PRR19: variants seen among roughly 807,000 people sequenced by gnomAD.
The protein encoded by PRR19 is proline rich 19, also known as proline-rich protein 19.
PRR19 carries 9 observed loss-of-function variants against 19.2 expected under a neutral mutation model. The ratio of observed to expected loss-of-function variants is 0.47; its 90% CI spans 0.28 to 0.82. The LOEUF (loss-of-function observed/expected upper bound fraction) is 0.82. PRR19 is among the 40% of genes least tolerant of loss of function. The pLI, the probability that PRR19 is intolerant of heterozygous loss-of-function variation, is 0.11. For synonymous variants in PRR19, 190 were observed against 191.0 expected, an observed-to-expected ratio of 0.99 and a Z score of 0.04; for missense variants, 457 against 466.0, an observed-to-expected ratio of 0.98 and a Z score of 0.18.
Position 42,302,418 on chromosome 19 carries a change from C to T in PRR19, c.-92C>T, listed in dbSNP as rs570602740. On this transcript the variant is annotated 5_prime_UTR_variant, in exon 1 of 3. Transcript: ENST00000341747. ...CCTACCCCTCGCGGCAACAAAGGAC[C>T]GTCCCAACGCTAGCACACCCGCGGA... The T allele has an allele frequency of 1.8e-5, 18 of 980,488 alleles. No homozygotes were observed. Among genetic ancestry groups the T allele is most frequent in the Non-Finnish European group, 2.5e-5 (17 of 671,434 alleles). 60.7% of individuals were successfully genotyped at this position (980,488 alleles called of 1,614,324 possible).
Position 42,305,867 on chromosome 19 carries a change from C to A in PRR19, c.-7+3364C>A, listed in dbSNP as rs2038701324. 2.0e-5 allele frequency among the ~76,000 whole-genome samples: 3 copies of A among 152,302 alleles called. No homozygotes were observed. The South Asian group carries it at 6.2e-4, about 32-fold the overall frequency. Reference sequence around the variant, plus strand: ...TTAAACCAAGCCTAGCTATGAATCACAACACTACACTAACTTTTTTTTGAG... The same window carrying A: ...TTAAACCAAGCCTAGCTATGAATCAAAACACTACACTAACTTTTTTTTGAG... On this transcript the variant is annotated intron_variant, in intron 1 of 2. Coordinates refer to ENST00000341747, the MANE Select transcript of PRR19 (RefSeq NM_199285.3).
At chr19:42,306,156 G>GGCCCACAGGCAAGAGCCACTGC (rs2038704292) in intron 1 of PRR19, among the ~76,000 whole-genome samples, 1 of 152,042 alleles carries the variant, frequency 6.6e-6, no homozygotes, top group Admixed American at 6.6e-5. Context: ...CAAGTAGCTG[G>GGCCCACAGGCAAGAGCCACTGC]GCCCACAGGC....
At chr19:42,302,628 C>G in intron 1 of PRR19, 125 bp downstream of exon 1, 1 of 355,122 alleles carries the variant, frequency 2.8e-6, no homozygotes, top group Non-Finnish European at 5.2e-6. Flanking sequence ...GAGGGAGAGG[C>G]GAGACCATCC....
intron 1 of PRR19, 129 bp from the exon 2 acceptor site, chr19:42,309,450 C>A (rs534483045): frequency 3.2e-5 from 22 of 678,728 alleles, no homozygotes; most frequent in Non-Finnish European, 5.3e-5. Flanking sequence ...CCTAAGTGAT[C>A]GGCCTGCCTT....
chr19:42,304,086 T>G (rs1261391940), intron 1 of PRR19, among the ~76,000 whole-genome samples: 2 of 144,416 alleles, frequency 1.4e-5, no homozygotes, highest in South Asian at 2.2e-4. Flanking sequence ...CTGGCCAACA[T>G]GGCGAAACCA....
At chr19:42,308,003 C>T (rs371389965) in intron 1 of PRR19, among the ~76,000 whole-genome samples, 28 of 151,728 alleles carry the variant, frequency 1.8e-4, no homozygotes, top group African/African-American at 6.3e-4. Context: ...GTGATCCGCC[C>T]GCCTCGGCCT....
chr19:42,308,197 A>G (rs760232504), intron 1 of PRR19, among the ~76,000 whole-genome samples: 10 of 151,380 alleles, frequency 6.6e-5, no homozygotes, highest in South Asian at 2.1e-4. Flanking sequence ...ACCTTTTCCA[A>G]TCTCTCTCTG....
At chr19:42,310,249 A>C in intron 2 of PRR19, 22 bp from the exon 3 acceptor site, 1 of 1,613,866 alleles carries the variant, frequency 6.2e-7, no homozygotes, top group East Asian at 2.2e-5. Context: ...GCTAGCCTCT[A>C]TGCTTCTTTC....
In PRR19 at chr19:42,302,323, C is replaced by G. The variant is rs767227701; in HGVS notation, c.-187C>G. 4.4e-6 allele frequency: 7 copies of G among 1,593,630 alleles called. No individual in the cohort carries two copies. The highest frequency in any genetic ancestry group is 6.0e-6 in the Non-Finnish European group (7 of 1,172,054). Reference sequence around the variant, plus strand: ...CTCTCCACTCATCTTGGCGCCGCAGCTCCTGCAGGATGAGCGAGTCGGGTC... The same window carrying G: ...CTCTCCACTCATCTTGGCGCCGCAGGTCCTGCAGGATGAGCGAGTCGGGTC... On this transcript the variant is annotated 5_prime_UTR_variant, in exon 1 of 3. Transcript: ENST00000341747.
Position 42,309,786 on chromosome 19 carries a change from CG to C in PRR19, c.204del (p.Leu69Ter). 2 of 1,613,600 alleles carry C rather than the reference CG, an allele frequency of 1.2e-6. No individual in the cohort carries two copies. The highest frequency in any genetic ancestry group is 1.7e-6 in the Non-Finnish European group (2 of 1,179,684). ...ASKLVVITQG[R>X]LSREHRGLFN... ...CAAGCTCGTGGTCATAACCCAGGGC[CG>C]GCTGAGCCGGGAGCACCGGGGTCTC... is the stretch of plus-strand genomic sequence containing the variant. On this transcript the variant is annotated frameshift_variant, in exon 2 of 3. Coordinates refer to ENST00000341747, the MANE Select transcript of PRR19 (RefSeq NM_199285.3). LOFTEE classifies it high-confidence loss of function.
chr19:42,310,104 A>G lies in PRR19; in HGVS notation c.520A>G (p.Ile174Val). 6.2e-7 allele frequency: 1 copy of G among 1,614,100 alleles called. No homozygotes were observed. The highest frequency in any genetic ancestry group is 8.5e-7 in the Non-Finnish European group (1 of 1,180,014). ...CCTGATTCAGGATGCCAGGGATGCC[A>G]TCGTGCACACCTTGCAGGCCTGTCA... is the stretch of plus-strand genomic sequence containing the variant. Reference protein sequence around the residue: ...RNLIQDARDAIVHTLQACHGC... With the variant: ...RNLIQDARDAVVHTLQACHGC... Residue 174 changes from isoleucine (I) to valine (V), a missense_variant, in exon 2 of 3, where the codon ATC (isoleucine) becomes GTC (valine). Coordinates refer to ENST00000341747, the MANE Select transcript of PRR19 (RefSeq NM_199285.3).
chr19:42,302,518 G>C lies in PRR19; in HGVS notation c.-7+15G>C. The C allele has an allele frequency of 3.7e-6, 2 of 540,968 alleles. No individual in the cohort carries two copies. The highest frequency in any genetic ancestry group is 6.5e-6 in the Non-Finnish European group (2 of 305,956). 33.5% of individuals were successfully genotyped at this position (540,968 alleles called of 1,614,324 possible). ...TCACTTAGGAGGTAGGTGGAATCAGGAACCTTCGCTTCCCCCACGACGGCC... is the reference window on the plus strand; with the variant it reads ...TCACTTAGGAGGTAGGTGGAATCAGCAACCTTCGCTTCCCCCACGACGGCC... On this transcript the variant is annotated intron_variant, in intron 1 of 2. Transcript: ENST00000341747.
chr19:42,305,358 A>G (rs1299109765), intron 1 of PRR19, among the ~76,000 whole-genome samples: 2 of 150,976 alleles, frequency 1.3e-5, no homozygotes, highest in Admixed American at 1.3e-4. Context: ...GGCTCACTGC[A>G]ACCTCTGCCT....
rs1458774588 is a variant in PRR19 at position 42,302,302 on chromosome 19, C to A, written c.-208C>A. 6.2e-7 allele frequency: 1 copy of A among 1,604,552 alleles called. No individual in the cohort carries two copies. Among genetic ancestry groups the A allele is most frequent in the East Asian group, 2.2e-5 (1 of 44,572 alleles). On this transcript the variant is annotated 5_prime_UTR_variant, in exon 1 of 3. Coordinates refer to ENST00000341747, the MANE Select transcript of PRR19 (RefSeq NM_199285.3). ...GGGCTTGCTGGCTGGGTTCTCCTCT[C>A]CACTCATCTTGGCGCCGCAGCTCCT...
At chr19:42,310,231 C>G (rs1425916040) in intron 2 of PRR19, 40 bp from the exon 3 acceptor site, 2 of 1,613,820 alleles carry the variant, frequency 1.2e-6, no homozygotes, top group Non-Finnish European at 1.7e-6. Context: ...TTTGTCGGCT[C>G]TAGCTCAGCT....
Position 42,302,204 on chromosome 19 carries a change from C to T in PRR19, c.-306C>T, listed in dbSNP as rs2038643283. On this transcript the variant is annotated 5_prime_UTR_variant, in exon 1 of 3. Transcript: ENST00000341747. ...GAGCCACCCCCCGCGCCCCCGGACTCCTCAATATCCCAGGTGGGAACGCTC... is the reference window on the plus strand; with the variant it reads ...GAGCCACCCCCCGCGCCCCCGGACTTCTCAATATCCCAGGTGGGAACGCTC... The T allele has an allele frequency of 1.3e-6, 2 of 1,567,440 alleles. No individual in the cohort carries two copies. Among genetic ancestry groups the T allele is most frequent in the East Asian group, 2.4e-5 (1 of 42,318 alleles).
At chr19:42,309,321 G>A (rs533189723) in intron 1 of PRR19, 4 of 279,122 alleles carry the variant, frequency 1.4e-5, no homozygotes, top group Non-Finnish European at 2.7e-5. Context: ...TAATCTGCCT[G>A]CCTTGGCCTC....
chr19:42,310,572 G>T lies in PRR19; in HGVS notation c.903G>T (p.Trp301Cys). The part of the protein sequence containing the change: ...LVATPPPPRP[W>C]GVGLPQPLPQ... The stretch of plus-strand genomic sequence containing the variant: ...CCACGCCACCCCCTCCTCGGCCCTG[G>T]GGGGTTGGCCTCCCTCAGCCCCTGC... Residue 301 changes from tryptophan to cysteine, a missense_variant, in exon 3 of 3, where the codon TGG (tryptophan) becomes TGT (cysteine). Coordinates refer to ENST00000341747, the MANE Select transcript of PRR19 (RefSeq NM_199285.3). 6.2e-7 allele frequency: 1 copy of T among 1,613,916 alleles called. No homozygotes were observed. The highest frequency in any genetic ancestry group is 8.5e-7 in the Non-Finnish European group (1 of 1,179,800).
chr19:42,305,838 G>A (rs889507626), intron 1 of PRR19, among the ~76,000 whole-genome samples: 4 of 152,112 alleles, frequency 2.6e-5, no homozygotes, highest in African/African-American at 9.7e-5. Context: ...GCCATTTTGG[G>A]CATTTAAACC....
Sources: allele counts gnomAD v4.1 joint callset (sites outside exome capture counted in the v4.1 genomes callset), GRCh38; gene constraint gnomAD v4.1.1; transcripts MANE v1.5; gene names NCBI Gene and HGNC (gene_info 2026-07-23, HGNC 2026-07-21).